Variants in XRCC5 observed in about 807,000 individuals in gnomAD.
XRCC5 encodes the protein DNA repair protein Ku80.
A neutral mutation model predicts 95.7 loss-of-function variants in XRCC5; 12 were observed. The observed-to-expected ratio is 0.13, with a 90% CI of 0.08 to 0.20. XRCC5 has a LOEUF of 0.20. Ranked by LOEUF, XRCC5 falls within the 10% of genes least tolerant of loss-of-function variation. XRCC5 has a pLI of 1.00. For synonymous variants in XRCC5, 281 were observed against 290.3 expected, an observed-to-expected ratio of 0.97 and a Z score of 0.33; for missense variants, 595 against 873.9, an observed-to-expected ratio of 0.68 and a Z score of 4.02.
chr2:216,140,509 T>C (rs1018337263), intron 12 of XRCC5, among the ~76,000 whole-genome samples: 3 of 152,204 alleles, frequency 2.0e-5, no homozygotes, highest in Admixed American at 2.0e-4. Flanking sequence ...TGAGGAGCAC[T>C]TGTTTTTTAT....
chr2:216,162,959 T>C (rs1279501853), intron 16 of XRCC5, among the ~76,000 whole-genome samples: 1 of 152,222 alleles, frequency 6.6e-6, no homozygotes, highest in Non-Finnish European at 1.5e-5. Flanking sequence ...ATTTACCCTT[T>C]AAATGGTGGC....
At chr2:216,131,467 G>A (rs1696993069) in intron 9 of XRCC5, among the ~76,000 whole-genome samples, 1 of 152,118 alleles carries the variant, frequency 6.6e-6, no homozygotes, top group South Asian at 2.1e-4. Context: ...GTAGATAAGT[G>A]CAGGTGGTTA....
At chr2:216,179,318 G>A (rs1483496192) in intron 16 of XRCC5, among the ~76,000 whole-genome samples, 2 of 152,116 alleles carry the variant, frequency 1.3e-5, no homozygotes, top group African/African-American at 4.8e-5. Context: ...CAGTCCTATT[G>A]GATTAGGGCC....
At chr2:216,150,176 A>G (rs1369619473) in intron 14 of XRCC5, among the ~76,000 whole-genome samples, 2 of 152,162 alleles carry the variant, frequency 1.3e-5, no homozygotes, top group Non-Finnish European at 2.9e-5. Flanking sequence ...GATCCAGGGT[A>G]CATATTTCTA....
Position 216,205,935 on chromosome 2 carries a change from C to T in XRCC5, c.*733C>T, listed in dbSNP as rs570276595. ...CAGTGAACCTTTAGAAACTCAAAAA[C>T]TGAGAAATTTACTACAGTAGTTAGA... On this transcript the variant is annotated 3_prime_UTR_variant, in exon 21 of 21. Coordinates refer to ENST00000392132, the MANE Select transcript of XRCC5 (RefSeq NM_021141.4). The T allele has an allele frequency of 6.6e-6, 1 of 152,320 alleles. No individual in the cohort carries two copies. The highest frequency in any genetic ancestry group is 2.1e-4 in the South Asian group (1 of 4,822). The allele number at this position is 152,320 out of a possible 1,614,324, so 9.4% of individuals were successfully genotyped here.
chr2:216,121,007 A>G lies in XRCC5; in HGVS notation c.492-1055A>G, dbSNP rs142598561. Among the ~76,000 whole-genome samples the G allele has an allele frequency of 4.3e-3, 656 of 152,294 alleles. 3 individuals carry two copies. The highest frequency in any genetic ancestry group is 0.015 in the African/African-American group (631 of 41,560). Reference sequence around the variant, plus strand: ...TGCCTCGCCCTCCCAAAGTGCTGGGATTACAGGCGTGAGCCACTGTGCCTG... The same window carrying G: ...TGCCTCGCCCTCCCAAAGTGCTGGGGTTACAGGCGTGAGCCACTGTGCCTG... On this transcript the variant is annotated intron_variant, in intron 5 of 20. Transcript: ENST00000392132.
At chr2:216,166,737 T>C (rs571541924) in intron 16 of XRCC5, among the ~76,000 whole-genome samples, 1 of 152,152 alleles carries the variant, frequency 6.6e-6, no homozygotes, top group East Asian at 1.9e-4. Flanking sequence ...AGACAGCAGG[T>C]TCAAGAAGGA....
At chr2:216,200,149 T>C (rs1689809578) in intron 19 of XRCC5, among the ~76,000 whole-genome samples, 1 of 152,096 alleles carries the variant, frequency 6.6e-6, no homozygotes. Flanking sequence ...TGTAGTCGCC[T>C]TATCACCACA....
chr2:216,119,343 C>G (rs936675530), intron 5 of XRCC5, among the ~76,000 whole-genome samples, 178 bp downstream of exon 5: 2 of 152,212 alleles, frequency 1.3e-5, no homozygotes, highest in African/African-American at 4.8e-5. Context: ...GTTCTAGGAA[C>G]TGTTCTGAGT....
At chr2:216,122,764 A>C (rs1354379884) in intron 6 of XRCC5, among the ~76,000 whole-genome samples, 1 of 152,072 alleles carries the variant, frequency 6.6e-6, no homozygotes, top group Non-Finnish European at 1.5e-5. Flanking sequence ...AAAAAAAAAA[A>C]AACCTGCAAT....
At chr2:216,138,265 A>G (rs1300574306) in intron 12 of XRCC5, 86 bp downstream of exon 12, 17 of 1,121,250 alleles carry the variant, frequency 1.5e-5, no homozygotes, top group Non-Finnish European at 2.2e-5. Context: ...GGTTGGGGCT[A>G]GGTATTTATA....
At chr2:216,165,894 G>A (rs568808300) in intron 16 of XRCC5, among the ~76,000 whole-genome samples, 2 of 152,116 alleles carry the variant, frequency 1.3e-5, no homozygotes, top group South Asian at 2.1e-4. Flanking sequence ...TTCTGTCCCC[G>A]ACATCAGCAG....
At chr2:216,116,912 G>T in intron 3 of XRCC5, 70 bp downstream of exon 3, 1 of 1,541,568 alleles carries the variant, frequency 6.5e-7, no homozygotes, top group Non-Finnish European at 8.9e-7. Flanking sequence ...GCAGTTTGAT[G>T]AGACACCCCC....
Position 216,113,009 on chromosome 2 carries a change from T to A in XRCC5, c.22-7T>A, listed in dbSNP as rs764584130. ...TTCTCAAACACTCTTTGGAACTTTG[T>A]TTCCAGGCAGCTGTTGTGCTGTGTA... On this transcript the variant is annotated splice_polypyrimidine_tract_variant and splice_region_variant and intron_variant, in intron 1 of 20. Transcript: ENST00000392132. 1.9e-6 allele frequency: 3 copies of A among 1,608,402 alleles called. No individual in the cohort carries two copies. In the South Asian group the frequency reaches 3.3e-5, roughly 18 times the overall value.
At chr2:216,122,596 T>TA (rs1269557214) in intron 6 of XRCC5, among the ~76,000 whole-genome samples, 1 of 152,032 alleles carries the variant, frequency 6.6e-6, no homozygotes, top group Non-Finnish European at 1.5e-5. Flanking sequence ...CTTTTTTTTT[T>TA]ACACATCTAC....
intron 14 of XRCC5, among the ~76,000 whole-genome samples, chr2:216,154,159 T>C (rs1279068249): frequency 6.6e-6 from 1 of 152,230 alleles, no homozygotes; most frequent in East Asian, 1.9e-4. Context: ...GCATTTCCCC[T>C]TAAAAGCAGT....
intron 6 of XRCC5, among the ~76,000 whole-genome samples, chr2:216,123,299 TA>T (rs1014379737): frequency 2.0e-5 from 3 of 152,226 alleles, no homozygotes; most frequent in Non-Finnish European, 2.9e-5. Context: ...TCTGATTTTC[TA>T]AATACAGACA....
chr2:216,178,762 G>T (rs1038812618), intron 16 of XRCC5, among the ~76,000 whole-genome samples: 7 of 152,288 alleles, frequency 4.6e-5, no homozygotes, highest in Admixed American at 3.9e-4. Context: ...AAGGGAGGGA[G>T]GGGATAAAAG....
Position 216,127,663 on chromosome 2 carries a change from A to G in XRCC5, c.926A>G (p.Asp309Gly), listed in dbSNP as rs770748549. The G allele has an allele frequency of 1.9e-6, 3 of 1,603,034 alleles. No individual in the cohort carries two copies. Among genetic ancestry groups the G allele is most frequent in the Non-Finnish European group, 2.5e-6 (3 of 1,176,868 alleles). The part of the protein sequence containing the change: ...DDDETEVLKE[D>G]IIQGFRYGSD... ...GATGAAACTGAAGTTTTAAAAGAGGATATTATTCAAGGTATGTCAGTAAGA... is the reference window on the plus strand; with the variant it reads ...GATGAAACTGAAGTTTTAAAAGAGGGTATTATTCAAGGTATGTCAGTAAGA... The change falls in exon 8 of 21, where the codon GAT becomes GGT. Residue 309 changes from aspartate to glycine, a missense_variant. Physicochemically the swap from Asp to Gly is moderately conservative, Grantham distance 94. Around this residue, in one of 2 missense-constraint regions of XRCC5, gnomAD observed 286 missense variants for 491.1 expected, o/e 0.58. Coordinates refer to ENST00000392132, the MANE Select transcript of XRCC5 (RefSeq NM_021141.4).
Sources: allele counts gnomAD v4.1 joint callset (sites outside exome capture counted in the v4.1 genomes callset), GRCh38; gene constraint gnomAD v4.1.1; regional missense constraint gnomAD v4.1.1; transcripts MANE v1.5; gene names NCBI Gene and HGNC (gene_info 2026-07-23, HGNC 2026-07-21).